DNAH10: variants seen among roughly 807,000 people sequenced by gnomAD.
DNAH10 encodes axonemal beta dynein heavy chain 10.
A neutral mutation model predicts 506.6 loss-of-function variants in DNAH10; 348 were observed. That is an observed-to-expected ratio of 0.69 (90% confidence interval 0.63 to 0.75). The LOEUF is 0.75. Among genes scored for constraint, DNAH10 ranks in the 30% least tolerant of loss-of-function variants. DNAH10 has a pLI of 0.00. For missense variants in DNAH10, 5,179 were observed against 5,787.1 expected, an observed-to-expected ratio of 0.89 and a Z score of 3.41; for synonymous variants, 2,059 against 2,198.6, an observed-to-expected ratio of 0.94 and a Z score of 1.78.
intron 6 of DNAH10, 143 bp from the exon 7 acceptor site, chr12:123,782,964 C>T (rs1251112448): frequency 4.8e-6 from 3 of 619,154 alleles, no homozygotes; most frequent in Non-Finnish European, 8.5e-6. Context: ...GAATGAGATA[C>T]AGATATTATC....
intron 17 of DNAH10, among the ~76,000 whole-genome samples, chr12:123,804,125 C>T (rs112314627): frequency 2.6e-5 from 4 of 152,032 alleles, no homozygotes; most frequent in Non-Finnish European, 4.4e-5. Flanking sequence ...CTCCTGGCCT[C>T]AAGTGATCCT....
At chr12:123,915,254 C>T (rs944982936) in intron 62 of DNAH10, among the ~76,000 whole-genome samples, 1 of 152,184 alleles carries the variant, frequency 6.6e-6, no homozygotes, top group Non-Finnish European at 1.5e-5. Context: ...TCGTGTTCCT[C>T]TGTCCAGTAC....
At chr12:123,863,007 C>G (rs923941317) in intron 39 of DNAH10, among the ~76,000 whole-genome samples, 4 of 152,016 alleles carry the variant, frequency 2.6e-5, no homozygotes, top group African/African-American at 9.7e-5. Flanking sequence ...GTTCTTCATA[C>G]TGTTTTATTC....
intron 45 of DNAH10, among the ~76,000 whole-genome samples, chr12:123,873,229 G>A (rs1436243591): frequency 2.6e-5 from 4 of 152,206 alleles, no homozygotes; most frequent in Non-Finnish European, 5.9e-5. Context: ...TGAGAAAAAC[G>A]AGGCTCTGAA....
rs759678156 is a variant in DNAH10, at chr12:123,933,429, C to G, written c.13395C>G (p.Gly4465=). The part of the protein sequence containing the change: ...ALVQATCRKN[G]WPLDRSTLFT... ...TGCAGGCCACCTGCCGGAAGAACGGCTGGCCACTGGACCGCTCCACCTTGT... is the reference window on the plus strand; with the variant it reads ...TGCAGGCCACCTGCCGGAAGAACGGGTGGCCACTGGACCGCTCCACCTTGT... Residue 4465 remains glycine (G), a synonymous_variant, in exon 77 of 79, where the codon GGC becomes GGG. Coordinates refer to ENST00000673944, the MANE Select transcript of DNAH10 (RefSeq NM_001372106.1). The G allele has an allele frequency of 2.7e-5, 43 of 1,612,700 alleles. No individual in the cohort carries two copies. The highest frequency in any genetic ancestry group is 3.3e-5 in the Non-Finnish European group (39 of 1,179,768).
chr12:123,917,509 C>A lies in DNAH10; in HGVS notation c.11003-75C>A. 1 of 1,444,416 alleles carries A rather than the reference C, an allele frequency of 6.9e-7. No individual in the cohort carries two copies. Among genetic ancestry groups the A allele is most frequent in the Non-Finnish European group, 9.4e-7 (1 of 1,062,852 alleles). The allele number at this position is 1,444,416 out of a possible 1,614,324, so 89.5% of individuals were successfully genotyped here. A position where few individuals can be genotyped will look rare whatever the true frequency, so the allele number is the denominator to read the frequency against. On this transcript the variant is annotated intron_variant, in intron 63 of 78. Coordinates refer to ENST00000673944, the MANE Select transcript of DNAH10 (RefSeq NM_001372106.1). This position sits in a 1 kb window ranked among gnomAD's most constrained non-coding sequence, Gnocchi z 5.6. ...GGCTGAGACCCGCGCTAAGCTTGTC[C>A]CGTCACAGCAGGGCAGCGGGAGAGA...
rs370494609 is a variant in DNAH10 at position 123,820,600 on chromosome 12, T to G, written c.4021T>G (p.Tyr1341Asp). 334 of 1,613,816 alleles carry G rather than the reference T, an allele frequency of 2.1e-4. No individual in the cohort carries two copies. The highest frequency in any genetic ancestry group is 2.6e-4 in the Non-Finnish European group (304 of 1,179,892). The part of the protein sequence containing the change: ...LDKGVELLGV[Y>D]ERELARHEKS... ...ACTAGGAGTAGAGCTTTTAGGTGTT[T>G]ATGAAAGAGAGCTGGCAAGACATGA... is the stretch of plus-strand genomic sequence containing the variant. The change falls in exon 24 of 79, where the codon TAT becomes GAT. Residue 1341 changes from tyrosine to aspartate, a missense_variant. Transcript: ENST00000673944.
In DNAH10 at chr12:123,909,200, T is replaced by G. The variant is rs1196852465; in HGVS notation, c.9816-61T>G. ...TGAGCTCGTTTTTCTGGAGCTCTCT[T>G]TCAGGCCAGATCCTGGCCACATCCC... On this transcript the variant is annotated intron_variant, in intron 57 of 78. Transcript: ENST00000673944. The surrounding 1 kb of genome is among the most constrained non-coding windows in gnomAD (Gnocchi z 5.4). The G allele has an allele frequency of 1.9e-6, 3 of 1,576,106 alleles. No homozygotes were observed. The highest frequency in any genetic ancestry group is 2.3e-5 in the South Asian group (2 of 85,902).
In DNAH10 at chr12:123,877,709, T is replaced by TGG. The variant is rs113178558; in HGVS notation, c.8200-20_8200-19dup. On this transcript the variant is annotated intron_variant, in intron 47 of 78. Coordinates refer to ENST00000673944, the MANE Select transcript of DNAH10 (RefSeq NM_001372106.1). ...CATCTACTGAAGGACATTTGTGTGT[T>TGG]GGGGGGGGTGTCTTTGCATTTTTCA... The TGG allele has an allele frequency of 5.3e-4, 809 of 1,531,532 alleles. 1 individual carries two copies. Among genetic ancestry groups the TGG allele is most frequent in the African/African-American group, 4.5e-3 (324 of 72,210 alleles). 94.9% of individuals were successfully genotyped at this position (1,531,532 alleles called of 1,614,324 possible).
intron 25 of DNAH10, among the ~76,000 whole-genome samples, chr12:123,827,969 G>A (rs888838547): frequency 2.0e-5 from 3 of 151,932 alleles, no homozygotes; most frequent in South Asian, 2.1e-4. Context: ...TAAAGTTCTC[G>A]GTTTTATAAT....
At chr12:123,891,088 C>T (rs978499966) in intron 52 of DNAH10, among the ~76,000 whole-genome samples, 4 of 152,086 alleles carry the variant, frequency 2.6e-5, no homozygotes, top group South Asian at 2.1e-4. Flanking sequence ...CGGCAGAGCC[C>T]GTTCCTTCTG....
At chr12:123,798,838 G>T (rs1365729269) in intron 13 of DNAH10, among the ~76,000 whole-genome samples, 1 of 149,324 alleles carries the variant, frequency 6.7e-6, no homozygotes, top group East Asian at 1.9e-4. Flanking sequence ...AGGTGCAGTG[G>T]CTCACACCTG....
At chr12:123,826,661 T>A (rs758596489) in intron 24 of DNAH10, 26 bp from the exon 25 acceptor site, 4 of 1,598,450 alleles carry the variant, frequency 2.5e-6, no homozygotes, top group Non-Finnish European at 3.4e-6. Context: ...TCTTTGTTGA[T>A]GGAGCTGTTC....
chr12:123,908,170 CCT>C (rs1953887733), intron 57 of DNAH10: 2 of 365,294 alleles, frequency 5.5e-6, no homozygotes, highest in South Asian at 2.0e-5. Flanking sequence ...CTGTCTCCTC[CCT>C]GTCTCTCTGT....
rs779449049 is a variant in DNAH10, at chr12:123,799,296, C to G, written c.2214C>G (p.Asp738Glu). 6.8e-6 allele frequency: 11 copies of G among 1,613,730 alleles called. No homozygotes were observed. Among genetic ancestry groups the G allele is most frequent in the Non-Finnish European group, 9.3e-6 (11 of 1,179,816 alleles). ...GTAGGACAATGAAGGAGTATGAAGACAGAAAGTATGAGCAGTGGATGGAGG... is the reference window on the plus strand; with the variant it reads ...GTAGGACAATGAAGGAGTATGAAGAGAGAAAGTATGAGCAGTGGATGGAGG... ...EVGRTMKEYE[D>E]RKYEQWMEVT... The change falls in exon 14 of 79, where the codon GAC becomes GAG. Residue 738 changes from aspartate (D) to glutamate (E), a missense_variant. By Grantham distance (45) the Asp-to-Glu change is conservative. Coordinates refer to ENST00000673944, the MANE Select transcript of DNAH10 (RefSeq NM_001372106.1).
At chr12:123,786,316 CA>C (rs1219423980) in intron 9 of DNAH10, among the ~76,000 whole-genome samples, 236 of 115,970 alleles carry the variant, frequency 2.0e-3, no homozygotes, top group Middle Eastern at 4.7e-3. Flanking sequence ...GATTCTGTCT[CA>C]AAAAAAAAAA....
At chr12:123,897,464 C>T (rs1193286937) in intron 54 of DNAH10, among the ~76,000 whole-genome samples, 4 of 152,224 alleles carry the variant, frequency 2.6e-5, no homozygotes, top group East Asian at 1.9e-4. Flanking sequence ...TGAGTCACGC[C>T]TGTAATCCCA....
At chr12:123,875,138 A>C (rs929997031) in intron 46 of DNAH10, 93 bp from the exon 47 acceptor site, 23 of 1,443,796 alleles carry the variant, frequency 1.6e-5, no homozygotes, top group Non-Finnish European at 1.8e-5. Flanking sequence ...AGTAACGGGA[A>C]AAATGAGCTT....
intron 57 of DNAH10, chr12:123,908,227 C>CCTGTCTCCTCCCTGTCTCT (rs1442828288): frequency 1.2e-5 from 5 of 414,642 alleles, no homozygotes; most frequent in East Asian, 7.2e-5. Context: ...TCCCTGTCTT[C>CCTGTCTCCTCCCTGTCTCT]CTGTCTCCTC....
Sources: gnomAD v4.1 joint callset for allele counts (sites outside exome capture counted in the v4.1 genomes callset) on GRCh38, gnomAD v4.1.1 for gene constraint, Gnocchi (gnomAD v3.1) non-coding constraint, MANE v1.5 for transcripts, NCBI Gene and HGNC (gene_info 2026-07-23, HGNC 2026-07-21) for gene names.